GRM1: variants seen among roughly 807,000 people sequenced by gnomAD.
GRM1 encodes metabotropic glutamate receptor 1.
Under a neutral mutation model 90.9 loss-of-function variants are expected in GRM1, and 33 were observed. The observed-to-expected ratio is 0.36, with a 90% CI of 0.28 to 0.49. The LOEUF is 0.49. Among genes scored for constraint, GRM1 ranks in the 20% least tolerant of loss-of-function variants. GRM1 has a pLI of 0.99. For missense variants in GRM1, 1,190 were observed against 1,534.3 expected (o/e 0.78, Z 3.75); for synonymous variants, 700 against 613.2 (o/e 1.14, Z -2.09).
chr6:146,147,165 C>A (rs941881663), intron 1 of GRM1, among the ~76,000 whole-genome samples: 2 of 152,090 alleles, frequency 1.3e-5, no homozygotes, highest in Non-Finnish European at 2.9e-5. Flanking sequence ...CCCGGTCACT[C>A]CAAACAAAAG....
intron 3 of GRM1, among the ~76,000 whole-genome samples, chr6:146,323,539 G>A (rs966200903): frequency 3.3e-5 from 5 of 152,090 alleles, no homozygotes; most frequent in African/African-American, 9.7e-5. Context: ...CATTCTGTAG[G>A]TTGCCTGTTC....
chr6:146,285,144 C>T (rs1782710332), intron 2 of GRM1, among the ~76,000 whole-genome samples: 1 of 152,078 alleles, frequency 6.6e-6, no homozygotes, highest in Admixed American at 6.6e-5. Flanking sequence ...AGGCATGTAC[C>T]ATTTCTGGAG....
intron 2 of GRM1, among the ~76,000 whole-genome samples, chr6:146,283,184 C>A (rs1198424073): frequency 2.6e-5 from 4 of 152,138 alleles, no homozygotes; most frequent in Admixed American, 6.6e-5. Flanking sequence ...CAGAACCCAG[C>A]CTAAATCAGC....
chr6:146,338,382 T>G (rs1426797844), intron 3 of GRM1, among the ~76,000 whole-genome samples: 1 of 152,230 alleles, frequency 6.6e-6, no homozygotes, highest in Non-Finnish European at 1.5e-5. Context: ...GTGGTCTATC[T>G]TATCCCGTTT....
chr6:146,283,043 C>A (rs1016385658), intron 2 of GRM1, among the ~76,000 whole-genome samples: 1 of 152,162 alleles, frequency 6.6e-6, no homozygotes, highest in African/African-American at 2.4e-5. Flanking sequence ...GCGCTTCTGC[C>A]ATCACCACAA....
At chr6:146,251,813 A>T (rs1220711521) in intron 2 of GRM1, among the ~76,000 whole-genome samples, 1 of 152,216 alleles carries the variant, frequency 6.6e-6, no homozygotes, top group Non-Finnish European at 1.5e-5. Flanking sequence ...CACTGATGGC[A>T]TCTTTCAACC....
intron 2 of GRM1, among the ~76,000 whole-genome samples, chr6:146,256,968 G>A (rs1781501897): frequency 6.6e-6 from 1 of 152,070 alleles, no homozygotes; most frequent in Non-Finnish European, 1.5e-5. Flanking sequence ...TGAGCTAGAT[G>A]TTTTCCTGAA....
At chr6:146,412,417 A>G (rs930681395) in intron 7 of GRM1, among the ~76,000 whole-genome samples, 5 of 152,164 alleles carry the variant, frequency 3.3e-5, no homozygotes, top group African/African-American at 1.2e-4. Context: ...GGTTCATAGC[A>G]GCTCACCATG....
rs546529921 is a variant in GRM1, at chr6:146,320,913, A to G, written c.1186+16067A>G. On this transcript the variant is annotated intron_variant, in intron 3 of 7. Coordinates refer to ENST00000282753, the MANE Select transcript of GRM1 (RefSeq NM_001278064.2). ...TATCTATTTGGTTAATCTTTTCAAA[A>G]AAGCACCTCCTGAATTCACTGATTT... 3.3e-5 allele frequency among the ~76,000 whole-genome samples: 5 copies of G among 152,146 alleles called. No homozygotes were observed. In the East Asian group the frequency reaches 9.7e-4, roughly 29 times the overall value.
chr6:146,261,344 C>A (rs957118294), intron 2 of GRM1, among the ~76,000 whole-genome samples: 1 of 152,044 alleles, frequency 6.6e-6, no homozygotes, highest in Non-Finnish European at 1.5e-5. Flanking sequence ...CTGAAGTACC[C>A]AAATGCCTTG....
At chr6:146,432,217 G>T (rs1312092305) in intron 7 of GRM1, among the ~76,000 whole-genome samples, 1 of 152,200 alleles carries the variant, frequency 6.6e-6, no homozygotes, top group Non-Finnish European at 1.5e-5. Context: ...TAAAAATGCA[G>T]TGTAGGGTAT....
intron 1 of GRM1, among the ~76,000 whole-genome samples, chr6:146,132,511 G>C (rs537112640): frequency 2.0e-5 from 3 of 152,238 alleles, no homozygotes; most frequent in African/African-American, 7.2e-5. Flanking sequence ...ACATGCACAG[G>C]TGTGCATGTG....
intron 5 of GRM1, among the ~76,000 whole-genome samples, chr6:146,378,388 T>A (rs1207402456): frequency 1.3e-5 from 2 of 152,196 alleles, no homozygotes; most frequent in Non-Finnish European, 1.5e-5. Context: ...GGGCTGTATC[T>A]GATAAAGCCA....
intron 1 of GRM1, among the ~76,000 whole-genome samples, chr6:146,111,020 G>A (rs1775537474): frequency 6.6e-6 from 1 of 152,194 alleles, no homozygotes; most frequent in South Asian, 2.1e-4. Context: ...AAGTACATGA[G>A]TCCATACACA....
Position 146,136,375 on chromosome 6 carries a change from G to T in GRM1, c.701-22973G>T, listed in dbSNP as rs772763698. Among the ~76,000 whole-genome samples, 22 of 152,234 alleles carry T rather than the reference G, an allele frequency of 1.4e-4. 1 individual carries two copies. Among genetic ancestry groups the T allele is most frequent in the South Asian group, 4.1e-4 (2 of 4,824 alleles). On this transcript the variant is annotated intron_variant, in intron 1 of 7. Transcript: ENST00000282753. ...CTCCAAACTGCTCTCCATAGTGATT[G>T]TACTAATTTACATCCCTACCAACAG... is the stretch of plus-strand genomic sequence containing the variant.
At chr6:146,278,016 A>C (rs1348659377) in intron 2 of GRM1, among the ~76,000 whole-genome samples, 3 of 152,154 alleles carry the variant, frequency 2.0e-5, no homozygotes, top group African/African-American at 7.2e-5. Flanking sequence ...TGAGATTTTT[A>C]AGTATCTATT....
intron 5 of GRM1, among the ~76,000 whole-genome samples, chr6:146,383,221 T>G (rs1043546339): frequency 1.3e-5 from 2 of 152,206 alleles, no homozygotes; most frequent in African/African-American, 4.8e-5. Flanking sequence ...CATTAATGTA[T>G]TCAGTCATTC....
At chr6:146,131,927 G>A (rs1776413846) in intron 1 of GRM1, among the ~76,000 whole-genome samples, 1 of 152,174 alleles carries the variant, frequency 6.6e-6, no homozygotes, top group Non-Finnish European at 1.5e-5. Flanking sequence ...ACCTCTATGA[G>A]GAAGAGACAG....
intron 2 of GRM1, among the ~76,000 whole-genome samples, chr6:146,289,902 A>G (rs1782914466): frequency 6.6e-6 from 1 of 152,224 alleles, no homozygotes. Context: ...TGTTCACACA[A>G]TGACAAAATC....
Sources: allele counts gnomAD v4.1 joint callset (sites outside exome capture counted in the v4.1 genomes callset), GRCh38; gene constraint gnomAD v4.1.1; transcripts MANE v1.5; gene names NCBI Gene and HGNC (gene_info 2026-07-23, HGNC 2026-07-21).